The following RCAN3 variants were observed in gnomAD, a reference collection of about 807,000 sequenced individuals.
RCAN3 encodes the protein regulator of calcineurin 3, also known as calcipressin-3.
Under a neutral mutation model 21.9 loss-of-function variants are expected in RCAN3, and 19 were observed. That is an observed-to-expected ratio of 0.87 (90% confidence interval 0.61 to 1.27). RCAN3 has a LOEUF of 1.27. Among genes scored for constraint, RCAN3 ranks in the 50% most tolerant of loss-of-function variants. RCAN3 has a pLI of 0.00. For missense variants in RCAN3, 240 were observed against 300.1 expected (o/e 0.80, Z 1.48); for synonymous variants, 114 against 112.3 (o/e 1.01, Z -0.09).
intron 2 of RCAN3, among the ~76,000 whole-genome samples, chr1:24,518,077 C>T (rs546919577): frequency 6.6e-6 from 1 of 152,256 alleles, no homozygotes; most frequent in Non-Finnish European, 1.5e-5. Flanking sequence ...ATAGTCCCAG[C>T]ACTTTGGGAG....
At chr1:24,514,644 G>T in intron 2 of RCAN3, 77 bp downstream of exon 2, 4 of 1,380,088 alleles carry the variant, frequency 2.9e-6, no homozygotes, top group South Asian at 1.3e-5. Flanking sequence ...GAGCTTGACT[G>T]GTCCCTGACA....
chr1:24,510,363 G>A (rs1395229135), intron 1 of RCAN3, among the ~76,000 whole-genome samples: 1 of 152,224 alleles, frequency 6.6e-6, no homozygotes, highest in Non-Finnish European at 1.5e-5. Flanking sequence ...TTGAAAATCT[G>A]TTGAGTGTAG....
chr1:24,533,894 C>T (rs978339137), intron 4 of RCAN3, among the ~76,000 whole-genome samples: 5 of 152,184 alleles, frequency 3.3e-5, no homozygotes, highest in African/African-American at 1.2e-4. Context: ...TTTGCTAGTA[C>T]TTGATAGGCA....
At chr1:24,534,531 C>T (rs1241535464) in intron 4 of RCAN3, among the ~76,000 whole-genome samples, 4 of 151,524 alleles carry the variant, frequency 2.6e-5, no homozygotes, top group East Asian at 1.9e-4. Flanking sequence ...GGCGTGAACC[C>T]GGGAGGCGGA....
At chr1:24,526,487 G>GA (rs11421939) in intron 2 of RCAN3, among the ~76,000 whole-genome samples, 10,537 of 150,804 alleles carry the variant, frequency 0.07, 1,178 homozygotes, top group African/African-American at 0.23. Flanking sequence ...TCTGGAATTT[G>GA]AAAAAAAAAT....
At chr1:24,528,762 G>C (rs953426657) in intron 2 of RCAN3, among the ~76,000 whole-genome samples, 2 of 152,196 alleles carry the variant, frequency 1.3e-5, no homozygotes, top group African/African-American at 4.8e-5. Context: ...AATAGTGGGA[G>C]AATCTAATAG....
At position 24,538,571 on chromosome 1, in the gene RCAN3, A is replaced by AT. The variant is rs34827408; in HGVS notation, c.*3314dup. On this transcript the variant is annotated 3_prime_UTR_variant, in exon 5 of 5. Transcript: ENST00000374395. Reference sequence around the variant, plus strand: ...AGGCGCCCGCTCCCACGCCCGGCTAATTTTTTTTTTTTTTTTTTTTATAAG... The same window carrying AT: ...AGGCGCCCGCTCCCACGCCCGGCTAATTTTTTTTTTTTTTTTTTTTTATAAG... 42,595 of 127,422 alleles carry AT rather than the reference A, an allele frequency of 0.33. 7,389 individuals carry two copies. The highest frequency in any genetic ancestry group is 0.63 in the East Asian group (2,774 of 4,436). 7.9% of individuals were successfully genotyped at this position (127,422 alleles called of 1,614,324 possible).
At chr1:24,505,223 C>CTCTTTTTTTTTTTTTTTTTTTTTTTTTTT (rs1647331024) in intron 1 of RCAN3, among the ~76,000 whole-genome samples, 1 of 84,700 alleles carries the variant, frequency 1.2e-5, no homozygotes, top group Non-Finnish European at 2.3e-5. Context: ...TTTTTTTTTT[C>CTCTTTTTTTTTTTTTTTTTTTTTTTTTTT]TCTTTTTTCT....
rs778315093 is a variant in RCAN3, at chr1:24,535,457, T to G, written c.*180T>G. ...GTAGAGTAGCAGCTGATTTGACCTGTCCCAGATTTTAAGTGATATTCCAAA... is the reference window on the plus strand; with the variant it reads ...GTAGAGTAGCAGCTGATTTGACCTGGCCCAGATTTTAAGTGATATTCCAAA... On this transcript the variant is annotated 3_prime_UTR_variant, in exon 5 of 5. Transcript: ENST00000374395. 67 of 532,112 alleles carry G rather than the reference T, an allele frequency of 1.3e-4. No homozygotes were observed. Among genetic ancestry groups the G allele is most frequent in the Non-Finnish European group, 1.8e-4 (61 of 341,630 alleles). The allele number at this position is 532,112 out of a possible 1,614,324, so 33.0% of individuals were successfully genotyped here.
chr1:24,530,740 G>T (rs1184296859), intron 2 of RCAN3, among the ~76,000 whole-genome samples: 1 of 152,200 alleles, frequency 6.6e-6, no homozygotes, highest in Non-Finnish European at 1.5e-5. Flanking sequence ...ACCCAGCTTG[G>T]TGGCTCACGC....
chr1:24,526,217 G>T (rs146373968), intron 2 of RCAN3, among the ~76,000 whole-genome samples: 186 of 152,208 alleles, frequency 1.2e-3, no homozygotes, highest in African/African-American at 4.3e-3. Flanking sequence ...TTAGCCAACC[G>T]AGTAGATAAG....
intron 1 of RCAN3, among the ~76,000 whole-genome samples, chr1:24,508,556 A>C (rs1441597653): frequency 6.6e-6 from 1 of 152,184 alleles, no homozygotes; most frequent in Admixed American, 6.5e-5. Flanking sequence ...CTGGTGAGGA[A>C]GAAGGGCCAG....
rs1378501412 is a variant in RCAN3 at position 24,502,852 on chromosome 1, A to AGGCG, written c.-353_-350dup. 1 of 150,236 alleles carries AGGCG rather than the reference A, an allele frequency of 6.7e-6. No individual in the cohort carries two copies. The highest frequency in any genetic ancestry group is 2.4e-5 in the African/African-American group (1 of 41,140). The allele number at this position is 150,236 out of a possible 1,614,324, so 9.3% of individuals were successfully genotyped here. ...CGCCCTGCCAGAACAGGAGGGGACG[A>AGGCG]GGCGGGCGCGCGGCGCCGGCAGCCT... On this transcript the variant is annotated 5_prime_UTR_variant, in exon 1 of 5. Coordinates refer to ENST00000374395, the MANE Select transcript of RCAN3 (RefSeq NM_013441.4).
At chr1:24,520,571 C>T (rs1406123335) in intron 2 of RCAN3, among the ~76,000 whole-genome samples, 1 of 151,294 alleles carries the variant, frequency 6.6e-6, no homozygotes, top group Non-Finnish European at 1.5e-5. Context: ...TCTCAGCAAA[C>T]TATCGCAAGG....
intron 2 of RCAN3, among the ~76,000 whole-genome samples, chr1:24,516,082 G>A (rs1473454655): frequency 2.6e-5 from 4 of 152,094 alleles, no homozygotes; most frequent in African/African-American, 9.7e-5. Flanking sequence ...GGCAGAGGTT[G>A]CAGTGAGCGG....
In RCAN3 at chr1:24,535,308, C is replaced by T. The variant is rs1283353646; in HGVS notation, c.*31C>T. The T allele has an allele frequency of 2.7e-6, 4 of 1,506,138 alleles. No individual in the cohort carries two copies. Among genetic ancestry groups the T allele is most frequent in the East Asian group, 2.4e-5 (1 of 41,926 alleles). 93.3% of individuals were successfully genotyped at this position (1,506,138 alleles called of 1,614,324 possible). A position where few individuals can be genotyped will look rare whatever the true frequency, so the allele number is the denominator to read the frequency against. ...TTGGTTGTGGTGCGAGGCGGCTGCCCTGGTGGGCTCTGGCCATGGCGCTCT... is the reference window on the plus strand; with the variant it reads ...TTGGTTGTGGTGCGAGGCGGCTGCCTTGGTGGGCTCTGGCCATGGCGCTCT... On this transcript the variant is annotated 3_prime_UTR_variant, in exon 5 of 5. Transcript: ENST00000374395.
Position 24,538,560 on chromosome 1 carries a change from A to T in RCAN3, c.*3283A>T, listed in dbSNP as rs995072839. The T allele has an allele frequency of 7.5e-6, 1 of 134,000 alleles. No individual in the cohort carries two copies. Among genetic ancestry groups the T allele is most frequent in the South Asian group, 2.4e-4 (1 of 4,228 alleles). 8.3% of individuals were successfully genotyped at this position (134,000 alleles called of 1,614,324 possible). ...GCTGGGACTACAGGCGCCCGCTCCC[A>T]CGCCCGGCTAATTTTTTTTTTTTTT... On this transcript the variant is annotated 3_prime_UTR_variant, in exon 5 of 5. Transcript: ENST00000374395.
In RCAN3 at chr1:24,525,422, C is replaced by T. The variant is rs1300214058; in HGVS notation, c.196-5796C>T. Among the ~76,000 whole-genome samples, 1 of 152,154 alleles carries T rather than the reference C, an allele frequency of 6.6e-6. No homozygotes were observed. The highest frequency in any genetic ancestry group is 1.5e-5 in the Non-Finnish European group (1 of 68,028). On this transcript the variant is annotated intron_variant, in intron 2 of 4. Transcript: ENST00000374395. The surrounding 1 kb of genome is among the most constrained non-coding windows in gnomAD (Gnocchi z 4.1). ...ACCTACTTACATCATAGGAAAAAGC[C>T]TCAGGCATTGGTTTTTAGGCTGCAT...
intron 2 of RCAN3, among the ~76,000 whole-genome samples, chr1:24,519,149 G>A (rs987966943): frequency 2.6e-5 from 4 of 151,696 alleles, no homozygotes; most frequent in Non-Finnish European, 5.9e-5. Flanking sequence ...GACTTCAAGT[G>A]ATCTGCCCAT....
Sources: allele counts gnomAD v4.1 joint callset (sites outside exome capture counted in the v4.1 genomes callset), GRCh38; gene constraint gnomAD v4.1.1; non-coding constraint Gnocchi (gnomAD v3.1); transcripts MANE v1.5; gene names NCBI Gene and HGNC (gene_info 2026-07-23, HGNC 2026-07-21).